Variants in GLDC observed in about 807,000 individuals in gnomAD.
The protein encoded by GLDC is glycine dehydrogenase (decarboxylating), mitochondrial.
A neutral mutation model predicts 121.3 loss-of-function variants in GLDC; 104 were observed. The ratio of observed to expected loss-of-function variants is 0.86; its 90% confidence interval spans 0.73 to 1.01. The LOEUF (loss-of-function observed/expected upper bound fraction) is 1.01. GLDC is among the 50% of genes least tolerant of loss of function. The pLI is 0.00. For missense variants in GLDC, 1,429 were observed against 1,306.6 expected, an observed-to-expected ratio of 1.09 and a Z score of -1.44; for synonymous variants, 546 against 480.6, an observed-to-expected ratio of 1.14 and a Z score of -1.78.
chr9:6,571,235 G>T (rs1437905908), intron 15 of GLDC, among the ~76,000 whole-genome samples: 1 of 151,960 alleles, frequency 6.6e-6, no homozygotes, highest in Non-Finnish European at 1.5e-5. Flanking sequence ...ATTAACAGTA[G>T]CCCCCTCTTA....
At chr9:6,627,172 T>C (rs945547349) in intron 2 of GLDC, among the ~76,000 whole-genome samples, 1 of 151,672 alleles carries the variant, frequency 6.6e-6, no homozygotes, top group African/African-American at 2.4e-5. Context: ...GGCGGGCACC[T>C]GTAGTCCCAC....
intron 17 of GLDC, chr9:6,558,252 G>T: frequency 1.7e-6 from 1 of 587,520 alleles, no homozygotes; most frequent in East Asian, 2.8e-5. Flanking sequence ...CTGCCATTTT[G>T]ATTATTAAGT....
At chr9:6,599,156 C>A (rs1054998409) in intron 8 of GLDC, among the ~76,000 whole-genome samples, 6 of 151,232 alleles carry the variant, frequency 4.0e-5, no homozygotes, top group Admixed American at 4.0e-4. Flanking sequence ...TGCACTCCAG[C>A]CTGGGCAACA....
At chr9:6,607,451 T>G (rs1479910016) in intron 4 of GLDC, among the ~76,000 whole-genome samples, 1 of 151,486 alleles carries the variant, frequency 6.6e-6, no homozygotes, top group Admixed American at 6.6e-5. Flanking sequence ...GGCATGGTGG[T>G]GCACGCCTGT....
chr9:6,548,996 C>G (rs1007977000), intron 21 of GLDC, among the ~76,000 whole-genome samples: 13 of 152,186 alleles, frequency 8.5e-5, no homozygotes, highest in African/African-American at 3.1e-4. Context: ...GACCTCCATC[C>G]ACATCTCAGC....
chr9:6,596,228 C>G, intron 8 of GLDC, among the ~76,000 whole-genome samples: 1 of 152,166 alleles, frequency 6.6e-6, no homozygotes, highest in East Asian at 1.9e-4. Context: ...GCAGCCTCCA[C>G]CACAATATTG....
chr9:6,554,720 G>C lies in GLDC; in HGVS notation c.2264C>G (p.Thr755Ser), dbSNP rs746383783. Residue 755 changes from threonine (T) to serine (S), a missense_variant, in exon 19 of 25, where the codon ACC (threonine) becomes AGC (serine). By Grantham distance (58) the Thr-to-Ser change is moderately conservative. Coordinates refer to ENST00000321612, the MANE Select transcript of GLDC (RefSeq NM_000170.3). ...ACCTCCTCCGTGGGGAATGCAGAAG[G>C]TCTTGTGAAGATTTAGGTGCGAGAC... ...SDVSHLNLHK[T>S]FCIPHGGGGP... 2.5e-6 allele frequency: 4 copies of C among 1,613,110 alleles called. No individual in the cohort carries two copies. In the African/African-American group the frequency reaches 5.3e-5, roughly 22 times the overall value.
intron 2 of GLDC, 31 bp downstream of exon 2, chr9:6,644,583 T>C: frequency 6.9e-7 from 1 of 1,449,094 alleles, no homozygotes; most frequent in Non-Finnish European, 9.7e-7. Flanking sequence ...CAGAATAATC[T>C]AAGTCCAAGG....
chr9:6,558,121 G>A (rs1193134906), intron 17 of GLDC: 10 of 260,224 alleles, frequency 3.8e-5, no homozygotes, highest in East Asian at 7.9e-5. Flanking sequence ...GAGAGTGGGG[G>A]TTGGTGGAAA....
In GLDC at chr9:6,550,883, G is replaced by A. The variant is rs386833560; in HGVS notation, c.2489C>T (p.Thr830Met). Residue 830 changes from threonine to methionine, a missense_variant, in exon 21 of 25, where the codon ACG becomes ATG. Thr to Met is a moderately conservative substitution (Grantham distance 81). Coordinates refer to ENST00000321612, the MANE Select transcript of GLDC (RefSeq NM_000170.3). The stretch of plus-strand genomic sequence containing the variant: ...GTTGGCATTTAATATCGCAGTTTCC[G>A]TGGCTTGTTTAAGACCCTTGCCTCC... Reference protein sequence around the residue: ...MMGGKGLKQATETAILNANYM... With the variant: ...MMGGKGLKQAMETAILNANYM... 20 of 1,612,996 alleles carry A rather than the reference G, an allele frequency of 1.2e-5. No homozygotes were observed. Among genetic ancestry groups the A allele is most frequent in the East Asian group, 8.9e-5 (4 of 44,884 alleles).
chr9:6,557,835 T>A (rs548852181), intron 17 of GLDC: 1 of 154,496 alleles, frequency 6.5e-6, no homozygotes, highest in African/African-American at 2.4e-5. Context: ...AGGGACTTAA[T>A]AATTTCAACT....
chr9:6,599,686 A>T (rs1818561043), intron 8 of GLDC, among the ~76,000 whole-genome samples: 1 of 150,466 alleles, frequency 6.6e-6, no homozygotes, highest in Non-Finnish European at 1.5e-5. Flanking sequence ...GGGCCGCTGC[A>T]TGCCAGCCTG....
chr9:6,570,273 T>G lies in GLDC; in HGVS notation c.1851-4844A>C, dbSNP rs78654123. ...TATTTTTATACAAGTCAAAAGATGTTAAAAATGTGCCATAAGAAAAGACCA... is the reference window on the plus strand; with the variant it reads ...TATTTTTATACAAGTCAAAAGATGTGAAAAATGTGCCATAAGAAAAGACCA... On this transcript the variant is annotated intron_variant, in intron 15 of 24. Transcript: ENST00000321612. 9.0e-3 allele frequency among the ~76,000 whole-genome samples: 1,368 copies of G among 152,332 alleles called. 13 individuals carry two copies. Among genetic ancestry groups the G allele is most frequent in the African/African-American group, 0.031 (1,298 of 41,574 alleles).
chr9:6,592,506 C>T (rs753995729), intron 10 of GLDC, among the ~76,000 whole-genome samples: 1 of 152,188 alleles, frequency 6.6e-6, no homozygotes, highest in Admixed American at 6.5e-5. Flanking sequence ...TCCCTTAACC[C>T]ACTTATCAGA....
intron 10 of GLDC, 84 bp from the exon 11 acceptor site, chr9:6,592,307 C>A (rs76153763): frequency 1.2e-6 from 1 of 832,296 alleles, no homozygotes; most frequent in Admixed American, 1.8e-5. Flanking sequence ...AAAGGGGAGA[C>A]AGTGCTAAAC....
chr9:6,604,289 C>T (rs1380771360), intron 7 of GLDC, among the ~76,000 whole-genome samples: 1 of 152,168 alleles, frequency 6.6e-6, no homozygotes, highest in African/African-American at 2.4e-5. Context: ...TGTCGAGACA[C>T]AAAACATGCC....
At chr9:6,609,433 G>C in intron 4 of GLDC, among the ~76,000 whole-genome samples, 1 of 152,074 alleles carries the variant, frequency 6.6e-6, no homozygotes, top group Non-Finnish European at 1.5e-5. Context: ...ATCCACCCTT[G>C]ACCACAGTGC....
At chr9:6,604,338 C>T (rs537210327) in intron 7 of GLDC, among the ~76,000 whole-genome samples, 18 of 152,284 alleles carry the variant, frequency 1.2e-4, no homozygotes, top group Middle Eastern at 3.4e-3. Flanking sequence ...TCAATCTAAG[C>T]AAATGCGTTA....
At chr9:6,644,029 C>CAAAAAAGAAA (rs1819682477) in intron 2 of GLDC, among the ~76,000 whole-genome samples, 1 of 18,334 alleles carries the variant, frequency 5.5e-5, no homozygotes, top group Non-Finnish European at 9.8e-5. Flanking sequence ...GATTCTGTCT[C>CAAAAAAGAAA]AAAAAAAAAA....
Sources: allele counts gnomAD v4.1 joint callset (sites outside exome capture counted in the v4.1 genomes callset), GRCh38; gene constraint gnomAD v4.1.1; transcripts MANE v1.5; gene names NCBI Gene and HGNC (gene_info 2026-07-23, HGNC 2026-07-21).